The following PTPRD variants were observed in gnomAD, a reference collection of about 807,000 sequenced individuals.
PTPRD encodes the protein receptor-type tyrosine-protein phosphatase delta.
Under a neutral mutation model 214.5 loss-of-function variants are expected in PTPRD, and 34 were observed. The ratio of observed to expected loss-of-function variants is 0.16; its 90% CI spans 0.12 to 0.21. The LOEUF is 0.21. Ranked by LOEUF, PTPRD falls within the 10% of genes least tolerant of loss-of-function variation. PTPRD has a pLI of 1.00. For synonymous variants in PTPRD, 1,128 were observed against 845.7 expected (o/e 1.33, Z -5.79); for missense variants, 2,545 against 2,398.7 (o/e 1.06, Z -1.27).
At chr9:8,702,473 T>C (rs894947107) in intron 12 of PTPRD, among the ~76,000 whole-genome samples, 15 of 152,328 alleles carry the variant, frequency 9.8e-5, no homozygotes, top group African/African-American at 2.9e-4. Context: ...AGTATCCCTG[T>C]CTTCAGAAAG....
At chr9:8,658,915 G>A (rs1189351262) in intron 12 of PTPRD, among the ~76,000 whole-genome samples, 3 of 152,100 alleles carry the variant, frequency 2.0e-5, no homozygotes, top group African/African-American at 7.2e-5. Flanking sequence ...TAACTAAAAT[G>A]CTAATGAGGC....
intron 22 of PTPRD, among the ~76,000 whole-genome samples, chr9:8,505,066 G>C (rs1240174726): frequency 6.6e-6 from 1 of 152,098 alleles, no homozygotes; most frequent in Non-Finnish European, 1.5e-5. Flanking sequence ...TGTGAATAAA[G>C]AACCCACAGC....
At chr9:10,449,449 C>T (rs1019949616) in intron 2 of PTPRD, among the ~76,000 whole-genome samples, 2 of 151,852 alleles carry the variant, frequency 1.3e-5, no homozygotes, top group African/African-American at 4.9e-5. Context: ...GCAGCCTCCG[C>T]CCGGCGGCCA....
chr9:9,091,192 C>A, intron 10 of PTPRD: 2 of 1,527,006 alleles, frequency 1.3e-6, no homozygotes, highest in East Asian at 2.2e-5. Context: ...AACACCCCCA[C>A]CCCGATTTAG....
intron 2 of PTPRD, among the ~76,000 whole-genome samples, chr9:10,422,135 G>C (rs954367197): frequency 6.6e-6 from 1 of 151,978 alleles, no homozygotes; most frequent in African/African-American, 2.4e-5. Flanking sequence ...GAACAGAACA[G>C]AGGCCTCAGA....
At chr9:9,172,460 T>C (rs1258638598) in intron 10 of PTPRD, among the ~76,000 whole-genome samples, 2 of 152,174 alleles carry the variant, frequency 1.3e-5, no homozygotes, top group African/African-American at 4.8e-5. Flanking sequence ...TCACTTTCAT[T>C]TTCTGGAGAA....
At chr9:8,725,601 A>G (rs1182743058) in intron 12 of PTPRD, among the ~76,000 whole-genome samples, 1 of 152,208 alleles carries the variant, frequency 6.6e-6, no homozygotes, top group Non-Finnish European at 1.5e-5. Flanking sequence ...AATGACACAA[A>G]CTAATGAGAA....
Position 9,885,980 on chromosome 9 carries a change from A to T in PTPRD, c.-368+52527T>A, listed in dbSNP as rs537524452. ...CATTTGATACCTTACAAAACCCCACATATTAAAAAAAAAAAAGATTCAAAG... is the reference window on the plus strand; with the variant it reads ...CATTTGATACCTTACAAAACCCCACTTATTAAAAAAAAAAAAGATTCAAAG... On this transcript the variant is annotated intron_variant, in intron 5 of 45. Coordinates refer to ENST00000381196, the MANE Select transcript of PTPRD (RefSeq NM_002839.4). 1.2e-3 allele frequency among the ~76,000 whole-genome samples: 181 copies of T among 148,992 alleles called. 3 individuals carry two copies. The South Asian group carries it at 0.014, about 12-fold the overall frequency.
intron 12 of PTPRD, among the ~76,000 whole-genome samples, chr9:8,640,961 G>C: frequency 6.7e-6 from 1 of 148,696 alleles, no homozygotes; most frequent in Non-Finnish European, 1.5e-5. Flanking sequence ...CCAAAGGAAA[G>C]ATATGAGGTA....
Position 8,921,422 on chromosome 9 carries a change from G to C in PTPRD, c.-104+97275C>G, listed in dbSNP as rs567725038. On this transcript the variant is annotated intron_variant, in intron 11 of 45. Coordinates refer to ENST00000381196, the MANE Select transcript of PTPRD (RefSeq NM_002839.4). ...GGCTAAAGGCTAATTCCCAGTACCAGTTTCTGGACTTATTAAATCTGAGCA... is the reference window on the plus strand; with the variant it reads ...GGCTAAAGGCTAATTCCCAGTACCACTTTCTGGACTTATTAAATCTGAGCA... Among the ~76,000 whole-genome samples, 86 of 152,196 alleles carry C rather than the reference G, an allele frequency of 5.7e-4. 1 individual carries two copies. Among genetic ancestry groups the C allele is most frequent in the Middle Eastern group, 6.8e-3 (2 of 294 alleles).
At chr9:9,059,822 T>A (rs998181958) in intron 10 of PTPRD, among the ~76,000 whole-genome samples, 1 of 152,098 alleles carries the variant, frequency 6.6e-6, no homozygotes, top group Non-Finnish European at 1.5e-5. Context: ...CAAATATTTT[T>A]AAATGCACAA....
chr9:10,088,411 C>T lies in PTPRD; in HGVS notation c.-544-54621G>A, dbSNP rs1289565411. On this transcript the variant is annotated intron_variant, in intron 3 of 45. Coordinates refer to ENST00000381196, the MANE Select transcript of PTPRD (RefSeq NM_002839.4). ...TGGACCCCAAGTACACATCTTCTGA[C>T]TTATGATCAGATAATAGGACAAATG... 2.6e-5 allele frequency among the ~76,000 whole-genome samples: 4 copies of T among 151,836 alleles called. No individual in the cohort carries two copies. In the Middle Eastern group the frequency reaches 0.01, roughly 387 times the overall value.
chr9:10,267,169 C>T (rs1325360009), intron 3 of PTPRD, among the ~76,000 whole-genome samples: 6 of 132,092 alleles, frequency 4.5e-5, no homozygotes, highest in Non-Finnish European at 7.7e-5. Context: ...CCAGCCCGGG[C>T]GACAGAGTGA....
intron 8 of PTPRD, among the ~76,000 whole-genome samples, chr9:9,493,832 C>A (rs369988543): frequency 1.1e-3 from 158 of 138,130 alleles, no homozygotes; most frequent in African/African-American, 3.5e-3. Context: ...AAAAGAAATA[C>A]ATTTTGTAAG....
chr9:8,794,509 ATTT>A (rs5896260), intron 11 of PTPRD, among the ~76,000 whole-genome samples: 9 of 131,666 alleles, frequency 6.8e-5, no homozygotes, highest in African/African-American at 2.0e-4. Context: ...CACAGAAGCC[ATTT>A]TTTTTTTTTT....
intron 3 of PTPRD, among the ~76,000 whole-genome samples, chr9:10,170,100 A>T (rs555616613): frequency 6.6e-6 from 1 of 152,322 alleles, no homozygotes; most frequent in East Asian, 1.9e-4. Flanking sequence ...TCAAAGAATG[A>T]TAGAGAAACT....
intron 5 of PTPRD, among the ~76,000 whole-genome samples, chr9:9,905,751 G>C (rs548647642): frequency 6.6e-6 from 1 of 151,930 alleles, no homozygotes; most frequent in East Asian, 1.9e-4. Context: ...AACCAAAACT[G>C]GACGAGTAGA....
chr9:8,726,803 G>A (rs1282583245), intron 12 of PTPRD, among the ~76,000 whole-genome samples: 10 of 113,268 alleles, frequency 8.8e-5, no homozygotes, highest in Admixed American at 2.0e-4. Flanking sequence ...TCCATCTCAA[G>A]AAAAAAAAAA....
rs187144295 is a variant in PTPRD, at chr9:8,402,455, G to A, written c.4210+2082C>T. Among the ~76,000 whole-genome samples, 74 of 152,270 alleles carry A rather than the reference G, an allele frequency of 4.9e-4. 1 individual carries two copies. Among genetic ancestry groups the A allele is most frequent in the Admixed American group, 3.7e-3 (57 of 15,288 alleles). On this transcript the variant is annotated intron_variant, in intron 36 of 45. Transcript: ENST00000381196. ...AAGTGAGCAAAAGTACAGCGAAGTG[G>A]TAGTTATTGAATGACCTAATTCTTA...
Sources: gnomAD v4.1 joint callset for allele counts (sites outside exome capture counted in the v4.1 genomes callset) on GRCh38, gnomAD v4.1.1 for gene constraint, MANE v1.5 for transcripts, NCBI Gene and HGNC (gene_info 2026-07-23, HGNC 2026-07-21) for gene names.